Variants in MUC5B observed in about 807,000 individuals in gnomAD.
The protein encoded by MUC5B is mucin 5B, oligomeric mucus/gel-forming, also known as mucin-5B.
In MUC5B, 116 loss-of-function variants were observed where a neutral mutation model predicts 376.9. That is an observed-to-expected ratio of 0.31 (90% confidence interval 0.26 to 0.36). The LOEUF is 0.36. MUC5B is among the 10% of genes least tolerant of loss of function. MUC5B has a pLI of 1.00. For missense variants in MUC5B, 7,165 were observed against 7,769.9 expected (o/e 0.92, Z 2.93); for synonymous variants, 3,517 against 3,390.9 (o/e 1.04, Z -1.29).
intron 23 of MUC5B, among the ~76,000 whole-genome samples, chr11:1,235,729 CTGCGTCTGTCTTCT>C (rs1351610697): frequency 6.6e-6 from 1 of 152,074 alleles, no homozygotes; most frequent in Non-Finnish European, 1.5e-5. Context: ...CCCGCTGTGT[CTGCGTCTGTCTTCT>C]CTCTGTTTTT....
At position 1,248,618 on chromosome 11, in the gene MUC5B, C is replaced by G. The variant is rs1234484111; in HGVS notation, c.11738C>G (p.Thr3913Ser). 3 of 1,612,590 alleles carry G rather than the reference C, an allele frequency of 1.9e-6. No individual in the cohort carries two copies. Among genetic ancestry groups the G allele is most frequent in the Non-Finnish European group, 1.7e-6 (2 of 1,179,452 alleles). The stretch of plus-strand genomic sequence containing the variant: ...ACCCCCTCCTCCGTCCCGGGGACCA[C>G]CCACACCCCCACAGTGCTGACCACC... Reference protein sequence around the residue: ...TVTPSSVPGTTHTPTVLTTTT... With the variant: ...TVTPSSVPGTSHTPTVLTTTT... Residue 3913 changes from threonine (T) to serine (S), a missense_variant, in exon 31 of 49, where the codon ACC (threonine) becomes AGC (serine). Coordinates refer to ENST00000529681, the MANE Select transcript of MUC5B (RefSeq NM_002458.3).
Position 1,261,411 on chromosome 11 carries a change from A to G in MUC5B, c.17092A>G (p.Met5698Val). The change falls in exon 49 of 49, where the codon ATG (methionine) becomes GTG (valine). Residue 5698 changes from methionine (M) to valine (V), a missense_variant. Coordinates refer to ENST00000529681, the MANE Select transcript of MUC5B (RefSeq NM_002458.3). Reference sequence around the variant, plus strand: ...CAGGTACTCAGCAGAGGCCCAGGCCATGCAGCACCAGTGCACCTGCTGCCA... The same window carrying G: ...CAGGTACTCAGCAGAGGCCCAGGCCGTGCAGCACCAGTGCACCTGCTGCCA... ...ASKYSAEAQA[M>V]QHQCTCCQER... is the part of the protein sequence containing the mutation. The G allele has an allele frequency of 1.3e-6, 2 of 1,552,076 alleles. No individual in the cohort carries two copies. Among genetic ancestry groups the G allele is most frequent in the South Asian group, 1.2e-5 (1 of 84,244 alleles).
intron 9 of MUC5B, 97 bp from the exon 10 acceptor site, chr11:1,229,593 C>T (rs756525099): frequency 3.9e-5 from 44 of 1,115,326 alleles, no homozygotes; most frequent in Middle Eastern, 5.6e-4. Context: ...AGCAGGAATT[C>T]CTCCCCAAGG....
chr11:1,245,205 C>T lies in MUC5B; in HGVS notation c.8325C>T (p.Thr2775=), dbSNP rs758222082. 4 of 1,593,418 alleles carry T rather than the reference C, an allele frequency of 2.5e-6. No individual in the cohort carries two copies. The highest frequency in any genetic ancestry group is 1.1e-5 in the South Asian group (1 of 90,060). Residue 2775 remains threonine, a synonymous_variant, in exon 31 of 49, where the codon ACC becomes ACT. Transcript: ENST00000529681. ...TGCGCACAGCCTGGACTTCGGCCAC[C>T]TCAGGCACCTTGGGCACCACCCACA... ...HTVRTAWTSA[T]SGTLGTTHIT...
At position 1,244,877 on chromosome 11, in the gene MUC5B, C is replaced by T. The variant is rs778139989; in HGVS notation, c.7997C>T (p.Thr2666Ile). 3.0e-5 allele frequency: 49 copies of T among 1,613,120 alleles called. No individual in the cohort carries two copies. The Admixed American group carries it at 8.2e-4, about 27-fold the overall frequency. ...THTPTVLTTT[T>I]TTVATGSMAT... ...ACCCCCACAGTGCTGACCACCACCA[C>T]CACAACTGTGGCCACTGGTTCTATG... The change falls in exon 31 of 49, where the codon ACC becomes ATC. Residue 2666 changes from threonine (T) to isoleucine (I), a missense_variant. Physicochemically the swap from Thr to Ile is moderately conservative, Grantham distance 89. Transcript: ENST00000529681.
intron 2 of MUC5B, among the ~76,000 whole-genome samples, chr11:1,225,985 C>T (rs1178034054): frequency 1.3e-5 from 2 of 152,238 alleles, no homozygotes; most frequent in African/African-American, 2.4e-5. Context: ...CCCACACTTA[C>T]ACTGGCACAC....
In MUC5B at chr11:1,247,026, G is replaced by A; in HGVS notation, c.10146G>A (p.Gln3382=). The A allele has an allele frequency of 6.4e-7, 1 of 1,552,470 alleles. No individual in the cohort carries two copies. The highest frequency in any genetic ancestry group is 8.7e-7 in the Non-Finnish European group (1 of 1,147,870). ...TGGCAACACCCTCCTCTAGCACACAGACCAGTGGTACTCCCCCATCACTGA... is the reference window on the plus strand; with the variant it reads ...TGGCAACACCCTCCTCTAGCACACAAACCAGTGGTACTCCCCCATCACTGA... ...GSMATPSSST[Q]TSGTPPSLTT... The change falls in exon 31 of 49, where the codon CAG becomes CAA. Residue 3382 remains glutamine, a synonymous_variant. Coordinates refer to ENST00000529681, the MANE Select transcript of MUC5B (RefSeq NM_002458.3).
At chr11:1,254,386 C>G in intron 34 of MUC5B, 35 bp downstream of exon 34, 1 of 1,591,656 alleles carries the variant, frequency 6.3e-7, no homozygotes, top group Non-Finnish European at 8.5e-7. Context: ...AGTGTTGGCC[C>G]AGTCCCAACC....
Position 1,242,067 on chromosome 11 carries a change from G to T in MUC5B, c.5187G>T (p.Pro1729=). The part of the protein sequence containing the change: ...PTTMATSRAR[P]TGTASTASKE... Reference sequence around the variant, plus strand: ...CAATGGCAACCTCCAGAGCTCGCCCGACAGGCACAGCCAGCACCGCTTCCA... The same window carrying T: ...CAATGGCAACCTCCAGAGCTCGCCCTACAGGCACAGCCAGCACCGCTTCCA... The change falls in exon 31 of 49, where the codon CCG becomes CCT. Residue 1729 remains proline (P), a synonymous_variant. Coordinates refer to ENST00000529681, the MANE Select transcript of MUC5B (RefSeq NM_002458.3). The T allele has an allele frequency of 6.2e-7, 1 of 1,605,356 alleles. No homozygotes were observed. Among genetic ancestry groups the T allele is most frequent in the African/African-American group, 1.3e-5 (1 of 74,744 alleles).
rs1862882077 is a variant in MUC5B, at chr11:1,257,821, C to A, written c.16450+111C>A. On this transcript the variant is annotated intron_variant, in intron 41 of 48. Coordinates refer to ENST00000529681, the MANE Select transcript of MUC5B (RefSeq NM_002458.3). The surrounding 1 kb of genome is among the most constrained non-coding windows in gnomAD (Gnocchi z 8.9). ...GGAGAGCAGAGGAGAGCCACTGTGTCCTGGCGTGACCGCGGCAGGACCACT... is the reference window on the plus strand; with the variant it reads ...GGAGAGCAGAGGAGAGCCACTGTGTACTGGCGTGACCGCGGCAGGACCACT... The A allele has an allele frequency of 7.7e-7, 1 of 1,296,386 alleles. No individual in the cohort carries two copies. The highest frequency in any genetic ancestry group is 1.0e-6 in the Non-Finnish European group (1 of 963,524). The allele number at this position is 1,296,386 out of a possible 1,614,324, so 80.3% of individuals were successfully genotyped here. A position where few individuals can be genotyped will look rare whatever the true frequency, so the allele number is the denominator to read the frequency against.
At position 1,242,356 on chromosome 11, in the gene MUC5B, A is replaced by C; in HGVS notation, c.5476A>C (p.Lys1826Gln). ...AAGGKMCWAP[K>Q]SIECRAENYP... Reference sequence around the variant, plus strand: ...TGGGGGCAAGATGTGCTGGGCACCAAAGAGCATAGAGTGCCGGGCGGAGAA... The same window carrying C: ...TGGGGGCAAGATGTGCTGGGCACCACAGAGCATAGAGTGCCGGGCGGAGAA... The change falls in exon 31 of 49, where the codon AAG becomes CAG. Residue 1826 changes from lysine (K) to glutamine (Q), a missense_variant. This residue lies in a region of MUC5B where 897 missense variants were observed against 779.6 expected (regional missense o/e 1.15). Coordinates refer to ENST00000529681, the MANE Select transcript of MUC5B (RefSeq NM_002458.3). The C allele has an allele frequency of 6.2e-7, 1 of 1,613,854 alleles. No homozygotes were observed. Among genetic ancestry groups the C allele is most frequent in the Non-Finnish European group, 8.5e-7 (1 of 1,179,854 alleles).
intron 47 of MUC5B, 81 bp from the exon 48 acceptor site, chr11:1,260,545 A>C: frequency 1.4e-6 from 2 of 1,479,492 alleles, no homozygotes; most frequent in Non-Finnish European, 1.9e-6. Context: ...GGGTGGTCCC[A>C]TGGGGAGGGT....
intron 12 of MUC5B, 102 bp downstream of exon 12, chr11:1,230,702 C>T (rs2735708): frequency 9.8e-7 from 1 of 1,020,700 alleles, no homozygotes; most frequent in Non-Finnish European, 1.4e-6. Flanking sequence ...GAGGCCAGGT[C>T]CCCCCTCCAG....
intron 17 of MUC5B, 94 bp downstream of exon 17, chr11:1,232,864 C>A: frequency 2.0e-6 from 3 of 1,477,524 alleles, no homozygotes; most frequent in Non-Finnish European, 2.7e-6. Flanking sequence ...CGGTTCTCAG[C>A]CCAGAGCTTT....
chr11:1,236,704 A>G, intron 24 of MUC5B, 142 bp downstream of exon 24: 1 of 1,105,222 alleles, frequency 9.0e-7, no homozygotes, highest in South Asian at 1.7e-5. Context: ...TGGCCTCCAC[A>G]GTGGGCAGAG....
rs1862617861 is a variant in MUC5B, at chr11:1,249,836, C to G, written c.12956C>G (p.Thr4319Arg). 1.2e-6 allele frequency: 2 copies of G among 1,613,686 alleles called. No homozygotes were observed. Among genetic ancestry groups the G allele is most frequent in the Non-Finnish European group, 1.7e-6 (2 of 1,179,794 alleles). The change falls in exon 31 of 49, where the codon ACA (threonine) becomes AGA (arginine). Residue 4319 changes from threonine to arginine, a missense_variant. Around this residue, in one of 31 missense-constraint regions of MUC5B, gnomAD observed 431 missense variants for 390.4 expected, o/e 1.10. Transcript: ENST00000529681. ...CTGACAAGCACAGCCACCAAATCCA[C>G]AGCTACCAGCGTTACACCCATCCCC... is the stretch of plus-strand genomic sequence containing the variant. ...PVLTSTATKS[T>R]ATSVTPIPSS...
Position 1,229,914 on chromosome 11 carries a change from C to T in MUC5B, c.1221-91C>T, listed in dbSNP as rs960138672. ...GTGGGGGTGTGGAGCTCCTGGTGTG[C>T]ACCCACCAGCCTCCGCCTGCGGTGG... is the stretch of plus-strand genomic sequence containing the variant. On this transcript the variant is annotated intron_variant, in intron 10 of 48. Transcript: ENST00000529681. The T allele has an allele frequency of 8.4e-6, 13 of 1,541,588 alleles. No homozygotes were observed. In the African/African-American group the frequency reaches 1.8e-4, roughly 21 times the overall value.
In MUC5B at chr11:1,251,321, G is replaced by C; in HGVS notation, c.14441G>C (p.Gly4814Ala). 1 of 1,610,752 alleles carries C rather than the reference G, an allele frequency of 6.2e-7. No individual in the cohort carries two copies. Among genetic ancestry groups the C allele is most frequent in the South Asian group, 1.1e-5 (1 of 90,984 alleles). The part of the protein sequence containing the change: ...NSTATPSSTL[G>A]TTRILTELTT... ...ACGGCCACACCCTCCTCCACTCTGG[G>C]GACGACCCGGATCCTCACTGAGCTG... Residue 4814 changes from glycine (G) to alanine (A), a missense_variant, in exon 31 of 49, where the codon GGG (glycine) becomes GCG (alanine). Physicochemically the swap from Gly to Ala is moderately conservative, Grantham distance 60. Transcript: ENST00000529681.
Position 1,244,586 on chromosome 11 carries a change from C to A in MUC5B, c.7706C>A (p.Ser2569Tyr), listed in dbSNP as rs2133829292. The A allele has an allele frequency of 6.2e-7, 1 of 1,613,588 alleles. No individual in the cohort carries two copies. Among genetic ancestry groups the A allele is most frequent in the Admixed American group, 1.7e-5 (1 of 59,992 alleles). ...ACCATGTCCACAGCCACACCCTCCT[C>A]CACTCCAGAGACTGTCCACACCTCC... ...TATMSTATPS[S>Y]TPETVHTSTV... is the part of the protein sequence containing the mutation. Residue 2569 changes from serine to tyrosine, a missense_variant, in exon 31 of 49, where the codon TCC (serine) becomes TAC (tyrosine). Coordinates refer to ENST00000529681, the MANE Select transcript of MUC5B (RefSeq NM_002458.3).
Sources: gnomAD v4.1 joint callset for allele counts (sites outside exome capture counted in the v4.1 genomes callset) on GRCh38, gnomAD v4.1.1 for gene constraint, gnomAD v4.1.1 regional missense constraint, Gnocchi (gnomAD v3.1) non-coding constraint, MANE v1.5 for transcripts, NCBI Gene and HGNC (gene_info 2026-07-23, HGNC 2026-07-21) for gene names.